The following TRDN variants were observed in gnomAD, a reference collection of about 807,000 sequenced individuals.
TRDN encodes the protein triadin.
A neutral mutation model predicts 149.7 loss-of-function variants in TRDN; 161 were observed. The observed-to-expected ratio is 1.08, with a 90% CI of 0.95 to 1.23. The LOEUF (loss-of-function observed/expected upper bound fraction) is 1.23, where lower values mean the gene tolerates loss of function less well. Ranked by LOEUF, TRDN falls within the 50% of genes most tolerant of loss-of-function variation. TRDN has a pLI of 0.00. For synonymous variants in TRDN, 294 were observed against 250.5 expected (o/e 1.17, Z -1.64); for missense variants, 896 against 823.5 (o/e 1.09, Z -1.08).
At chr6:123,402,662 G>A (rs1291630682) in intron 12 of TRDN, among the ~76,000 whole-genome samples, 1 of 152,120 alleles carries the variant, frequency 6.6e-6, no homozygotes, top group Non-Finnish European at 1.5e-5. Context: ...AGATAAAAGT[G>A]TCCATGATTG....
At chr6:123,570,825 A>G in intron 2 of TRDN, 98 bp downstream of exon 2, 1 of 1,097,872 alleles carries the variant, frequency 9.1e-7, no homozygotes, top group Non-Finnish European at 1.3e-6. Context: ...TCTTCCTCAC[A>G]CTAAGATGAA....
At chr6:123,569,157 A>G (rs1562395182) in intron 2 of TRDN, among the ~76,000 whole-genome samples, 1 of 152,186 alleles carries the variant, frequency 6.6e-6, no homozygotes, top group Non-Finnish European at 1.5e-5. Context: ...TCAGGTCCGT[A>G]CTTCTACAGA....
At chr6:123,356,522 T>TATATATAC (rs1780687855) in intron 20 of TRDN, among the ~76,000 whole-genome samples, 1 of 72,336 alleles carries the variant, frequency 1.4e-5, no homozygotes, top group South Asian at 8.1e-4. Flanking sequence ...TATATATATA[T>TATATATAC]ATATATATAT....
chr6:123,366,773 C>A (rs1781118621), intron 19 of TRDN, among the ~76,000 whole-genome samples: 1 of 152,210 alleles, frequency 6.6e-6, no homozygotes, highest in Non-Finnish European at 1.5e-5. Flanking sequence ...CCGCCTCAGC[C>A]TCCCAAAGTG....
At chr6:123,565,388 GA>G (rs1255720052) in intron 2 of TRDN, among the ~76,000 whole-genome samples, 1 of 152,100 alleles carries the variant, frequency 6.6e-6, no homozygotes, top group Admixed American at 6.6e-5. Context: ...ATAACAGAGC[GA>G]TCATACACCT....
intron 20 of TRDN, among the ~76,000 whole-genome samples, chr6:123,365,456 C>T (rs1197326971): frequency 6.6e-6 from 1 of 152,070 alleles, no homozygotes; most frequent in African/African-American, 2.4e-5. Flanking sequence ...TATTTTCTAT[C>T]TACCTACAAT....
At chr6:123,634,781 G>A (rs1347793869) in intron 1 of TRDN, among the ~76,000 whole-genome samples, 4 of 151,666 alleles carry the variant, frequency 2.6e-5, no homozygotes, top group African/African-American at 9.7e-5. Context: ...ATGCATAATT[G>A]ATGTTCAGAT....
chr6:123,299,761 T>C (rs1238544051), intron 24 of TRDN, among the ~76,000 whole-genome samples: 1 of 152,080 alleles, frequency 6.6e-6, no homozygotes, highest in Non-Finnish European at 1.5e-5. Context: ...AAGAGCATTG[T>C]TTTAAAAACT....
chr6:123,304,094 A>G (rs1367554273), intron 24 of TRDN, among the ~76,000 whole-genome samples: 1 of 152,098 alleles, frequency 6.6e-6, no homozygotes, highest in African/African-American at 2.4e-5. Flanking sequence ...AGATAAGAGC[A>G]AAAGAAAAAA....
At chr6:123,325,178 G>C (rs1779395528) in intron 23 of TRDN, among the ~76,000 whole-genome samples, 2 of 151,984 alleles carry the variant, frequency 1.3e-5, no homozygotes, top group Non-Finnish European at 2.9e-5. Context: ...ATTATTTTTA[G>C]TGGTTATTAA....
chr6:123,259,532 G>T (rs549049455), intron 35 of TRDN, 92 bp downstream of exon 35: 3 of 844,596 alleles, frequency 3.6e-6, no homozygotes, highest in African/African-American at 1.7e-5. Context: ...TTCATCAACT[G>T]TTTTTAAATC....
In TRDN at chr6:123,377,754, A is replaced by G. The variant is rs771618616; in HGVS notation, c.1220-12T>C. ...CTTTGGTGACTTTGCTGTATCAAAA[A>G]GGAAAGAAAAAAAAATCAGCATTCT... is the stretch of plus-strand genomic sequence containing the variant. On this transcript the variant is annotated splice_polypyrimidine_tract_variant and intron_variant, in intron 17 of 40. Transcript: ENST00000334268. The G allele has an allele frequency of 5.6e-6, 9 of 1,613,048 alleles. No individual in the cohort carries two copies. The Admixed American group carries it at 1.0e-4, about 18-fold the overall frequency.
chr6:123,523,171 G>A (rs536554734), intron 5 of TRDN, among the ~76,000 whole-genome samples: 157 of 152,252 alleles, frequency 1.0e-3, no homozygotes, highest in African/African-American at 3.6e-3. Flanking sequence ...CTCCGTATGA[G>A]AATCAAAGAA....
intron 1 of TRDN, among the ~76,000 whole-genome samples, chr6:123,628,509 G>A (rs1259130805): frequency 2.0e-5 from 3 of 151,950 alleles, no homozygotes. Flanking sequence ...GAAAACATTT[G>A]AAATACTGTG....
At chr6:123,332,732 TC>T (rs1365391085) in intron 22 of TRDN, among the ~76,000 whole-genome samples, 1 of 152,082 alleles carries the variant, frequency 6.6e-6, no homozygotes, top group Non-Finnish European at 1.5e-5. Context: ...AAGAGATCTA[TC>T]CTTTCAGCCC....
intron 2 of TRDN, among the ~76,000 whole-genome samples, chr6:123,566,817 A>C (rs1782318705): frequency 6.6e-6 from 1 of 152,334 alleles, no homozygotes; most frequent in East Asian, 1.9e-4. Context: ...TGAAGCCATA[A>C]TTTATATAGT....
chr6:123,551,817 T>C (rs1307642797), intron 2 of TRDN, among the ~76,000 whole-genome samples: 1 of 152,132 alleles, frequency 6.6e-6, no homozygotes, highest in East Asian at 1.9e-4. Flanking sequence ...ACTATTGTGC[T>C]ATATGCTGTC....
At chr6:123,627,505 G>A (rs528976124) in intron 1 of TRDN, among the ~76,000 whole-genome samples, 1 of 152,214 alleles carries the variant, frequency 6.6e-6, no homozygotes, top group African/African-American at 2.4e-5. Context: ...CTCATTGATA[G>A]AGCACAGGCA....
chr6:123,464,527 T>C (rs1015415737), intron 10 of TRDN: 2 of 1,004,782 alleles, frequency 2.0e-6, no homozygotes, highest in African/African-American at 3.5e-5. Context: ...TAGGAAAAGG[T>C]GGAGCTCAGA....
Sources: gnomAD v4.1 joint callset for allele counts (sites outside exome capture counted in the v4.1 genomes callset) on GRCh38, gnomAD v4.1.1 for gene constraint, MANE v1.5 for transcripts, NCBI Gene and HGNC (gene_info 2026-07-23, HGNC 2026-07-21) for gene names.